The following FAM120A variants were observed in gnomAD, a reference collection of about 807,000 sequenced individuals.
FAM120A encodes constitutive coactivator of PPAR-gamma-like protein 1.
FAM120A carries 15 observed loss-of-function variants against 109.7 expected under a neutral mutation model. That is an observed-to-expected ratio of 0.14 (90% CI 0.09 to 0.21). The LOEUF (loss-of-function observed/expected upper bound fraction) is 0.21, where lower values mean the gene tolerates loss of function less well. Among genes scored for constraint, FAM120A ranks in the 10% least tolerant of loss-of-function variants. The pLI is 1.00. For missense variants in FAM120A, 899 were observed against 1,439.3 expected (o/e 0.62, Z 6.07); for synonymous variants, 493 against 572.8 (o/e 0.86, Z 1.99).
At chr9:93,510,139 C>G (rs1860245333) in intron 5 of FAM120A, among the ~76,000 whole-genome samples, 1 of 152,142 alleles carries the variant, frequency 6.6e-6, no homozygotes, top group Non-Finnish European at 1.5e-5. Flanking sequence ...GTCCAGAATT[C>G]CCAAGTAGAA....
In FAM120A at chr9:93,532,609, T is replaced by C; in HGVS notation, c.1909+280T>C. The C allele has an allele frequency of 2.5e-6, 1 of 393,710 alleles. No homozygotes were observed. Among genetic ancestry groups the C allele is most frequent in the Non-Finnish European group, 4.7e-6 (1 of 211,362 alleles). 24.4% of individuals were successfully genotyped at this position (393,710 alleles called of 1,614,324 possible). ...AGTGAATGTTGATCTGAAAGCAGAC[T>C]TGAATTGCCGCCACTCTCTGTAATT... On this transcript the variant is annotated intron_variant, in intron 10 of 17. Coordinates refer to ENST00000277165, the MANE Select transcript of FAM120A (RefSeq NM_014612.5). The surrounding 1 kb of genome is among the most constrained non-coding windows in gnomAD (Gnocchi z 4.3).
At chr9:93,529,743 AT>A (rs1564347440) in intron 9 of FAM120A, 163 bp downstream of exon 9, 2 of 686,486 alleles carry the variant, frequency 2.9e-6, no homozygotes, top group African/African-American at 3.6e-5. Context: ...AAAGATGAAC[AT>A]TTATAACTGT....
intron 3 of FAM120A, among the ~76,000 whole-genome samples, chr9:93,479,578 A>G (rs1858707889): frequency 6.6e-6 from 1 of 152,208 alleles, no homozygotes; most frequent in South Asian, 2.1e-4. Context: ...GGGAACCAAT[A>G]AAAATCATGA....
In FAM120A at chr9:93,458,077, A is replaced by G. The variant is rs114919308; in HGVS notation, c.474+5688A>G. ...AGGCACAGCCTCACTGTCCTCAAAC[A>G]CTTCAGCACCTGGTTTTACATTCTT... is the stretch of plus-strand genomic sequence containing the variant. On this transcript the variant is annotated intron_variant, in intron 1 of 17. Coordinates refer to ENST00000277165, the MANE Select transcript of FAM120A (RefSeq NM_014612.5). 6.4e-3 allele frequency among the ~76,000 whole-genome samples: 974 copies of G among 152,138 alleles called. 14 individuals are homozygous for G. The highest frequency in any genetic ancestry group is 0.023 in the African/African-American group (941 of 41,470).
chr9:93,560,758 G>A lies in FAM120A; in HGVS notation c.2807-351G>A, dbSNP rs566514282. Among the ~76,000 whole-genome samples, 6 of 152,350 alleles carry A rather than the reference G, an allele frequency of 3.9e-5. No individual in the cohort carries two copies. The East Asian group carries it at 1.2e-3, about 29-fold the overall frequency. On this transcript the variant is annotated intron_variant, in intron 15 of 17. Coordinates refer to ENST00000277165, the MANE Select transcript of FAM120A (RefSeq NM_014612.5). ...TTCAGTTAAGGTAGTAAACCTAGAA[G>A]TATTCGCCTAAAGAGAAAAACATTC...
At chr9:93,489,381 C>T (rs1053438852) in intron 3 of FAM120A, among the ~76,000 whole-genome samples, 3 of 146,648 alleles carry the variant, frequency 2.0e-5, no homozygotes, top group Admixed American at 6.9e-5. Context: ...GGTATTCCCC[C>T]AAGAAGGGAA....
intron 3 of FAM120A, among the ~76,000 whole-genome samples, chr9:93,482,794 C>A (rs1046092431): frequency 1.3e-5 from 2 of 152,088 alleles, no homozygotes; most frequent in Non-Finnish European, 2.9e-5. Flanking sequence ...CTGAACAGTC[C>A]TCTCTCTTGG....
intron 7 of FAM120A, among the ~76,000 whole-genome samples, chr9:93,524,865 G>T (rs980970779): frequency 3.9e-5 from 6 of 152,166 alleles, no homozygotes; most frequent in African/African-American, 2.4e-5. Flanking sequence ...CCTGTGGCCG[G>T]TGCCTGTCTC....
At chr9:93,526,919 T>G (rs1042354696) in intron 7 of FAM120A, among the ~76,000 whole-genome samples, 3 of 152,232 alleles carry the variant, frequency 2.0e-5, no homozygotes, top group Non-Finnish European at 4.4e-5. Flanking sequence ...ATCTCTGAAC[T>G]GCCTGGTGAC....
intron 1 of FAM120A, among the ~76,000 whole-genome samples, chr9:93,460,037 CCTATGT>C (rs1857721415): frequency 6.6e-6 from 1 of 152,198 alleles, no homozygotes; most frequent in Admixed American, 6.5e-5. Context: ...TATACTTCCT[CCTATGT>C]CTAACATGTT....
At chr9:93,527,076 C>G (rs1861115575) in intron 7 of FAM120A, 79 bp from the exon 8 acceptor site, 3 of 1,119,792 alleles carry the variant, frequency 2.7e-6, no homozygotes. Context: ...AGCCTGAAGA[C>G]TTAGCTGAGG....
At chr9:93,516,988 C>G (rs144754437) in intron 7 of FAM120A, among the ~76,000 whole-genome samples, 1 of 152,174 alleles carries the variant, frequency 6.6e-6, no homozygotes. Context: ...TACTTTACAG[C>G]GCAGATAACC....
intron 1 of FAM120A, among the ~76,000 whole-genome samples, chr9:93,466,125 C>T (rs1193322862): frequency 2.6e-5 from 4 of 151,970 alleles, no homozygotes; most frequent in South Asian, 2.1e-4. Flanking sequence ...GTTTTCCTTT[C>T]GCTTATTTAT....
chr9:93,530,405 G>C (rs536695516), intron 9 of FAM120A: 11 of 152,224 alleles, frequency 7.2e-5, no homozygotes, highest in African/African-American at 2.6e-4. Context: ...TATATAACCA[G>C]ACTTTTCTGT....
intron 3 of FAM120A, among the ~76,000 whole-genome samples, chr9:93,480,174 G>A (rs1004114636): frequency 6.6e-6 from 1 of 152,208 alleles, no homozygotes; most frequent in Non-Finnish European, 1.5e-5. Context: ...GGTGGGCATT[G>A]AATTTCTTAG....
At chr9:93,487,861 G>C (rs752203150) in intron 3 of FAM120A, among the ~76,000 whole-genome samples, 3 of 152,186 alleles carry the variant, frequency 2.0e-5, no homozygotes, top group Non-Finnish European at 4.4e-5. Flanking sequence ...GCTGGTGTCT[G>C]ACTGTAGGCA....
chr9:93,494,011 G>A (rs1183056581), intron 3 of FAM120A, among the ~76,000 whole-genome samples: 1 of 152,190 alleles, frequency 6.6e-6, no homozygotes, highest in African/African-American at 2.4e-5. Flanking sequence ...GACACATGCG[G>A]TTTAAATACT....
intron 1 of FAM120A, among the ~76,000 whole-genome samples, chr9:93,454,767 G>A (rs1857478457): frequency 6.6e-6 from 1 of 152,214 alleles, no homozygotes; most frequent in Non-Finnish European, 1.5e-5. Flanking sequence ...AGCATTCTCT[G>A]TTTAAGGGAT....
intron 1 of FAM120A, among the ~76,000 whole-genome samples, chr9:93,454,504 G>A (rs1371905764): frequency 6.6e-6 from 1 of 152,158 alleles, no homozygotes; most frequent in Non-Finnish European, 1.5e-5. Flanking sequence ...CTTTTCATAT[G>A]TAATTCTAAC....
Sources: allele counts gnomAD v4.1 joint callset (sites outside exome capture counted in the v4.1 genomes callset), GRCh38; gene constraint gnomAD v4.1.1; non-coding constraint Gnocchi (gnomAD v3.1); transcripts MANE v1.5; gene names NCBI Gene and HGNC (gene_info 2026-07-23, HGNC 2026-07-21).